Variants in IPMK observed in about 807,000 individuals in gnomAD.
IPMK encodes inositol 1,3,4,6-tetrakisphosphate 5-kinase.
Under a neutral mutation model 45.8 loss-of-function variants are expected in IPMK, and 17 were observed. That is an observed-to-expected ratio of 0.37 (90% CI 0.25 to 0.56). The LOEUF (loss-of-function observed/expected upper bound fraction) is 0.56. Among genes scored for constraint, IPMK ranks in the 20% least tolerant of loss-of-function variants. The pLI is 0.79. For missense variants in IPMK, 399 were observed against 498.0 expected (o/e 0.80, Z 1.89); for synonymous variants, 180 against 184.3 (o/e 0.98, Z 0.19).
chr10:58,193,492 TTTAA>T lies in IPMK; in HGVS notation c.*2580_*2583del, dbSNP rs1837845632. 6.6e-6 allele frequency: 1 copy of T among 151,860 alleles called. No individual in the cohort carries two copies. The allele number at this position is 151,860 out of a possible 1,614,324, so 9.4% of individuals were successfully genotyped here. ...AAAATATTTAGCATTTATCATTGATTTTAATTTATTTGAATCTATGCAATGTCTA... is the reference window on the plus strand; with the variant it reads ...AAAATATTTAGCATTTATCATTGATTTTTATTTGAATCTATGCAATGTCTA... On this transcript the variant is annotated 3_prime_UTR_variant, in exon 6 of 6. Coordinates refer to ENST00000373935, the MANE Select transcript of IPMK (RefSeq NM_152230.5).
chr10:58,241,827 G>T (rs900166800), intron 1 of IPMK, among the ~76,000 whole-genome samples: 4 of 151,838 alleles, frequency 2.6e-5, no homozygotes, highest in African/African-American at 4.8e-5. Context: ...CTCCAAATAT[G>T]ATTACATTTA....
chr10:58,267,862 C>A lies in IPMK; in HGVS notation c.-251G>T. 1 of 451,774 alleles carries A rather than the reference C, an allele frequency of 2.2e-6. No homozygotes were observed. Among genetic ancestry groups the A allele is most frequent in the Non-Finnish European group, 3.9e-6 (1 of 256,532 alleles). The allele number at this position is 451,774 out of a possible 1,614,324, so 28.0% of individuals were successfully genotyped here. ...CTGCCGCCGCAGCCGCCGGCCCCGG[C>A]GCTGCCCGGTAGACAGAACCGAGCC... On this transcript the variant is annotated 5_prime_UTR_variant, in exon 1 of 6. Coordinates refer to ENST00000373935, the MANE Select transcript of IPMK (RefSeq NM_152230.5).
chr10:58,199,309 G>T lies in IPMK; in HGVS notation c.559C>A (p.His187Asn). Residue 187 changes from histidine (H) to asparagine (N), a missense_variant, in exon 5 of 6, where the codon CAT becomes AAT. Physicochemically the swap from His to Asn is moderately conservative, Grantham distance 68. Around this residue, in one of 2 missense-constraint regions of IPMK, gnomAD observed 288 missense variants for 398.0 expected, o/e 0.72. Transcript: ENST00000373935. ...LVLGMRVYHV[H>N]SDSYETENQH... ...TTTTCTGTCTCATAGCTATCGGAATGAACATGATAAACCTGTCAAAAAAAG... is the reference window on the plus strand; with the variant it reads ...TTTTCTGTCTCATAGCTATCGGAATTAACATGATAAACCTGTCAAAAAAAG... 1 of 1,605,242 alleles carries T rather than the reference G, an allele frequency of 6.2e-7. No homozygotes were observed. The highest frequency in any genetic ancestry group is 8.5e-7 in the Non-Finnish European group (1 of 1,175,230).
chr10:58,262,690 T>A (rs577974313), intron 1 of IPMK, among the ~76,000 whole-genome samples: 11 of 152,186 alleles, frequency 7.2e-5, no homozygotes, highest in Non-Finnish European at 1.5e-4. Context: ...AGAAAGGAAG[T>A]GCTCTCAATG....
chr10:58,255,040 C>T (rs1838943650), intron 1 of IPMK, among the ~76,000 whole-genome samples: 1 of 152,218 alleles, frequency 6.6e-6, no homozygotes, highest in East Asian at 1.9e-4. Context: ...TTAGTTGTTT[C>T]TATCCAGGGA....
chr10:58,194,061 CA>C lies in IPMK; in HGVS notation c.*2014del, dbSNP rs1352196249. On this transcript the variant is annotated 3_prime_UTR_variant, in exon 6 of 6. Transcript: ENST00000373935. ...TCAAAAAGGTAAGACATTGATTTTACAAAATTGTATTTCCAAATGCAGATAA... is the reference window on the plus strand; with the variant it reads ...TCAAAAAGGTAAGACATTGATTTTACAAATTGTATTTCCAAATGCAGATAA... The C allele has an allele frequency of 1.3e-5, 2 of 151,662 alleles. No individual in the cohort carries two copies. The highest frequency in any genetic ancestry group is 4.8e-5 in the African/African-American group (2 of 41,382). 9.4% of individuals were successfully genotyped at this position (151,662 alleles called of 1,614,324 possible).
chr10:58,261,509 C>T (rs887389090), intron 1 of IPMK, among the ~76,000 whole-genome samples: 1 of 150,902 alleles, frequency 6.6e-6, no homozygotes, highest in African/African-American at 2.4e-5. Flanking sequence ...AACTGTATTT[C>T]AAATGAATAC....
chr10:58,213,426 T>C (rs555821002), intron 4 of IPMK, among the ~76,000 whole-genome samples: 2 of 152,330 alleles, frequency 1.3e-5, no homozygotes, highest in African/African-American at 4.8e-5. Context: ...GGCTCACGCC[T>C]GTAATCCCAA....
At chr10:58,265,791 A>C (rs545368424) in intron 1 of IPMK, among the ~76,000 whole-genome samples, 1 of 152,218 alleles carries the variant, frequency 6.6e-6, no homozygotes, top group Non-Finnish European at 1.5e-5. Context: ...ACTATTTGCA[A>C]TCACTCTGAA....
chr10:58,261,501 CTG>C (rs34636249), intron 1 of IPMK, among the ~76,000 whole-genome samples: 51,045 of 151,306 alleles, frequency 0.34, 10,759 homozygotes, highest in African/African-American at 0.61. Flanking sequence ...ATGAACCCAA[CTG>C]TATTTCAAAT....
chr10:58,239,124 G>A (rs1382902802), intron 1 of IPMK, among the ~76,000 whole-genome samples: 1 of 152,086 alleles, frequency 6.6e-6, no homozygotes, highest in Non-Finnish European at 1.5e-5. Context: ...ACTTCAACCT[G>A]GGCGACAGAG....
chr10:58,227,600 A>G lies in IPMK; in HGVS notation c.277-461T>C, dbSNP rs535281304. Among the ~76,000 whole-genome samples the G allele has an allele frequency of 1.1e-3, 170 of 152,276 alleles. 1 individual carries two copies. Among genetic ancestry groups the G allele is most frequent in the African/African-American group, 3.2e-3 (133 of 41,554 alleles). On this transcript the variant is annotated intron_variant, in intron 2 of 5. Coordinates refer to ENST00000373935, the MANE Select transcript of IPMK (RefSeq NM_152230.5). ...GTTTTAACATTTATCTGGTTCCCTC[A>G]TTAAATAATATGTTAAAGCAAATCT...
chr10:58,250,766 G>C (rs1191724554), intron 1 of IPMK, among the ~76,000 whole-genome samples: 3 of 152,166 alleles, frequency 2.0e-5, no homozygotes, highest in Non-Finnish European at 1.5e-5. Flanking sequence ...GATTTCAGAA[G>C]AAGGGCTTCA....
intron 2 of IPMK, among the ~76,000 whole-genome samples, chr10:58,235,772 G>A (rs530311567): frequency 6.6e-6 from 1 of 152,138 alleles, no homozygotes; most frequent in South Asian, 2.1e-4. Context: ...TATCAAACCT[G>A]CACGTTGTGC....
rs1168262960 is a variant in IPMK, at chr10:58,196,439, A to G, written c.888T>C (p.His296=). The change falls in exon 6 of 6, where the codon CAT becomes CAC. Residue 296 remains histidine, a synonymous_variant. Coordinates refer to ENST00000373935, the MANE Select transcript of IPMK (RefSeq NM_152230.5). The part of the protein sequence containing the change: ...TEVLEYNNNF[H]VLSSTANGKI... ...TTCCATTAGCTGTGGAACTTAACAC[A>G]TGAAAGTTATTATTGTACTCTAGTA... 2.5e-6 allele frequency: 4 copies of G among 1,614,138 alleles called. No individual in the cohort carries two copies. Among genetic ancestry groups the G allele is most frequent in the Middle Eastern group, 1.7e-4 (1 of 6,058 alleles).
intron 2 of IPMK, among the ~76,000 whole-genome samples, chr10:58,232,572 G>A (rs1838541457): frequency 6.6e-6 from 1 of 152,208 alleles, no homozygotes; most frequent in African/African-American, 2.4e-5. Context: ...ACTTGCTCCT[G>A]AATGACAACT....
intron 1 of IPMK, among the ~76,000 whole-genome samples, chr10:58,248,283 C>G (rs966532544): frequency 1.3e-5 from 2 of 151,688 alleles, no homozygotes; most frequent in Non-Finnish European, 2.9e-5. Flanking sequence ...ATTAAGAATA[C>G]TGTACATTTA....
chr10:58,261,732 C>T (rs1839071385), intron 1 of IPMK, among the ~76,000 whole-genome samples: 1 of 152,024 alleles, frequency 6.6e-6, no homozygotes, highest in Non-Finnish European at 1.5e-5. Context: ...ATAGGCGCCA[C>T]CAACACATCC....
At position 58,230,711 on chromosome 10, in the gene IPMK, G is replaced by C. The variant is rs559379310; in HGVS notation, c.277-3572C>G. Among the ~76,000 whole-genome samples the C allele has an allele frequency of 9.2e-5, 14 of 152,292 alleles. 1 individual carries two copies. In the South Asian group the frequency reaches 2.9e-3, roughly 32 times the overall value. The stretch of plus-strand genomic sequence containing the variant: ...GACCAAAGGTAGATAAAACCACAAA[G>C]ATGGGAAGAAACTAGAGCAGAAAAG... On this transcript the variant is annotated intron_variant, in intron 2 of 5. Coordinates refer to ENST00000373935, the MANE Select transcript of IPMK (RefSeq NM_152230.5).
Sources: gnomAD v4.1 joint callset for allele counts (sites outside exome capture counted in the v4.1 genomes callset) on GRCh38, gnomAD v4.1.1 for gene constraint, gnomAD v4.1.1 regional missense constraint, MANE v1.5 for transcripts, NCBI Gene and HGNC (gene_info 2026-07-23, HGNC 2026-07-21) for gene names.